The following CHP1 variants were observed in gnomAD, a reference collection of about 807,000 sequenced individuals.
CHP1 encodes the protein calcineurin B homologous protein 1.
In CHP1, 11 loss-of-function variants were observed where a neutral mutation model predicts 27.4. That is an observed-to-expected ratio of 0.40 (90% CI 0.25 to 0.67). The LOEUF is 0.67. Ranked by LOEUF, CHP1 falls within the 30% of genes least tolerant of loss-of-function variation. The pLI, the probability that CHP1 is intolerant of heterozygous loss-of-function variation, is 0.38. For synonymous variants in CHP1, 89 were observed against 87.4 expected, an observed-to-expected ratio of 1.02 and a Z score of -0.10; for missense variants, 169 against 251.3, an observed-to-expected ratio of 0.67 and a Z score of 2.22.
In CHP1 at chr15:41,280,751, TC is replaced by T. The variant is rs1396286307; in HGVS notation, c.*1364del. 6.6e-6 allele frequency: 1 copy of T among 151,684 alleles called. No individual in the cohort carries two copies. The highest frequency in any genetic ancestry group is 2.0e-4 in the East Asian group (1 of 5,126). 9.4% of individuals were successfully genotyped at this position (151,684 alleles called of 1,614,324 possible). A position where few individuals can be genotyped will look rare whatever the true frequency, so the allele number is the denominator to read the frequency against. On this transcript the variant is annotated 3_prime_UTR_variant, in exon 7 of 7. Transcript: ENST00000334660. ...TGGTCTCGAACTCCTGACCTCGTGA[TC>T]CGCCTGCCTCAGCCTCCCAAAGTGC...
intron 4 of CHP1, among the ~76,000 whole-genome samples, chr15:41,264,491 T>G (rs1190071637): frequency 6.6e-6 from 1 of 152,208 alleles, no homozygotes; most frequent in Non-Finnish European, 1.5e-5. Flanking sequence ...CCAGGCTGAG[T>G]GCAGTGGCGT....
intron 2 of CHP1, among the ~76,000 whole-genome samples, chr15:41,244,978 A>G (rs188731317): frequency 4.6e-5 from 7 of 152,222 alleles, no homozygotes; most frequent in African/African-American, 9.6e-5. Context: ...GGGGGAAGGA[A>G]TACAGTTGCT....
chr15:41,279,357 G>C lies in CHP1; in HGVS notation c.556G>C (p.Glu186Gln). 1 of 1,613,736 alleles carries C rather than the reference G, an allele frequency of 6.2e-7. No individual in the cohort carries two copies. The change falls in exon 7 of 7, where the codon GAA becomes CAA. Residue 186 changes from glutamate to glutamine, a missense_variant. Glu to Gln is a conservative substitution (Grantham distance 29, BLOSUM62 2). Transcript: ENST00000334660. Reference sequence around the variant, plus strand: ...CCAGGTTTTGGAGAAGGTGGATGTAGAACAGAAAATGAGCATCCGATTTCT... The same window carrying C: ...CCAGGTTTTGGAGAAGGTGGATGTACAACAGAAAATGAGCATCCGATTTCT... ...FVKVLEKVDV[E>Q]QKMSIRFLH
intron 5 of CHP1, 113 bp from the exon 6 acceptor site, chr15:41,278,654 G>C: frequency 7.8e-7 from 1 of 1,284,894 alleles, no homozygotes; most frequent in East Asian, 2.4e-5. Flanking sequence ...GTGCATGACT[G>C]TATTTGAGGG....
intron 1 of CHP1, among the ~76,000 whole-genome samples, chr15:41,243,432 A>G (rs959450006): frequency 6.6e-6 from 1 of 152,256 alleles, no homozygotes; most frequent in Non-Finnish European, 1.5e-5. Context: ...TATTCATCAC[A>G]GTCTTAATTA....
chr15:41,240,675 C>T (rs945460612), intron 1 of CHP1, among the ~76,000 whole-genome samples: 2 of 150,756 alleles, frequency 1.3e-5, no homozygotes, highest in African/African-American at 4.9e-5. Flanking sequence ...ATCACGGGAA[C>T]CCAGAAGGCG....
intron 4 of CHP1, 137 bp from the exon 5 acceptor site, chr15:41,270,420 T>C (rs777997251): frequency 3.0e-6 from 2 of 658,918 alleles, no homozygotes; most frequent in Non-Finnish European, 5.4e-6. Flanking sequence ...TTAAAAGCCC[T>C]ACAAGTAATG....
At chr15:41,232,501 G>A (rs189702654) in intron 1 of CHP1, among the ~76,000 whole-genome samples, 1 of 151,024 alleles carries the variant, frequency 6.6e-6, no homozygotes, top group Non-Finnish European at 1.5e-5. Context: ...GTGAGCCACC[G>A]TGCCCTGCAG....
At chr15:41,242,713 G>GCT (rs2047312970) in intron 1 of CHP1, among the ~76,000 whole-genome samples, 3 of 152,138 alleles carry the variant, frequency 2.0e-5, no homozygotes, top group Non-Finnish European at 2.9e-5. Context: ...GGAGGCTGAG[G>GCT]CAGGTGGATC....
chr15:41,279,460 C>T lies in CHP1; in HGVS notation c.*71C>T. On this transcript the variant is annotated 3_prime_UTR_variant, in exon 7 of 7. Transcript: ENST00000334660. ...CTTGAAAGTCCTCCTTCTACCAACT[C>T]CACCTCCACCCCCTCATTCCCCTTC... The T allele has an allele frequency of 8.1e-7, 1 of 1,230,996 alleles. No individual in the cohort carries two copies. The highest frequency in any genetic ancestry group is 1.2e-5 in the South Asian group (1 of 81,448). 76.3% of individuals were successfully genotyped at this position (1,230,996 alleles called of 1,614,324 possible).
At chr15:41,250,565 C>G (rs1164734412) in intron 2 of CHP1, among the ~76,000 whole-genome samples, 1 of 149,010 alleles carries the variant, frequency 6.7e-6, no homozygotes, top group Non-Finnish European at 1.5e-5. Flanking sequence ...GAAATTCCAT[C>G]TCAAAAATAA....
intron 6 of CHP1, among the ~76,000 whole-genome samples, 200 bp from the exon 7 acceptor site, chr15:41,279,136 A>G (rs1235642440): frequency 6.6e-6 from 1 of 151,614 alleles, no homozygotes; most frequent in Non-Finnish European, 1.5e-5. Flanking sequence ...GCTTGAACCC[A>G]GGAGGCCAAG....
At chr15:41,247,044 C>T (rs1595473473) in intron 2 of CHP1, among the ~76,000 whole-genome samples, 1 of 151,374 alleles carries the variant, frequency 6.6e-6, no homozygotes, top group African/African-American at 2.4e-5. Context: ...TGAAAACTTT[C>T]CAGGCGTCAG....
Position 41,262,736 on chromosome 15 carries a change from T to C in CHP1, c.222-20T>C. The C allele has an allele frequency of 6.2e-7, 1 of 1,611,444 alleles. No homozygotes were observed. The highest frequency in any genetic ancestry group is 2.2e-5 in the East Asian group (1 of 44,860). ...CACCGTGATTGACATGGTGTTGTGT[T>C]TGTTATATTTCACAATCAGAGAGGA... On this transcript the variant is annotated intron_variant, in intron 3 of 6. Coordinates refer to ENST00000334660, the MANE Select transcript of CHP1 (RefSeq NM_007236.5).
chr15:41,252,414 A>G (rs2047374333), intron 2 of CHP1, among the ~76,000 whole-genome samples: 2 of 151,086 alleles, frequency 1.3e-5, no homozygotes, highest in South Asian at 2.1e-4. Flanking sequence ...TGATCCACCC[A>G]CCTCGGCCTC....
chr15:41,258,757 A>G (rs748570937), intron 3 of CHP1, among the ~76,000 whole-genome samples: 5 of 152,330 alleles, frequency 3.3e-5, no homozygotes, highest in South Asian at 4.1e-4. Flanking sequence ...TTCCTAAACA[A>G]TCTATTCCTG....
chr15:41,243,634 C>G (rs1319201031), intron 1 of CHP1, 33 bp from the exon 2 acceptor site: 11 of 1,600,776 alleles, frequency 6.9e-6, no homozygotes, highest in Non-Finnish European at 9.4e-6. Context: ...AGGGCTACTT[C>G]CCCCGAGCTG....
intron 5 of CHP1, chr15:41,272,403 T>C (rs1239867820): frequency 6.6e-6 from 1 of 152,228 alleles, no homozygotes; most frequent in African/African-American, 2.4e-5. Context: ...GCGTAACTTT[T>C]GCCTGAGAAT....
intron 2 of CHP1, among the ~76,000 whole-genome samples, chr15:41,250,299 T>C (rs1461916565): frequency 6.6e-6 from 1 of 152,148 alleles, no homozygotes; most frequent in Non-Finnish European, 1.5e-5. Flanking sequence ...CAGATTGATA[T>C]TTCACGGAAT....
Sources: allele counts gnomAD v4.1 joint callset (sites outside exome capture counted in the v4.1 genomes callset), GRCh38; gene constraint gnomAD v4.1.1; transcripts MANE v1.5; gene names NCBI Gene and HGNC (gene_info 2026-07-23, HGNC 2026-07-21).